SRGAP3: variants seen among roughly 807,000 people sequenced by gnomAD.
The protein encoded by SRGAP3 is SLIT-ROBO Rho GTPase-activating protein 3.
A neutral mutation model predicts 121.1 loss-of-function variants in SRGAP3; 39 were observed. The observed-to-expected ratio is 0.32, with a 90% confidence interval of 0.25 to 0.42. The LOEUF (loss-of-function observed/expected upper bound fraction) is 0.42. SRGAP3 is among the 10% of genes least tolerant of loss of function. The pLI, the probability that SRGAP3 is intolerant of heterozygous loss-of-function variation, is 1.00. For missense variants in SRGAP3, 1,213 were observed against 1,470.6 expected (o/e 0.82, Z 2.86); for synonymous variants, 601 against 570.0 (o/e 1.05, Z -0.77).
chr3:9,152,200 A>G (rs1950234280), intron 1 of SRGAP3, among the ~76,000 whole-genome samples: 1 of 152,234 alleles, frequency 6.6e-6, no homozygotes, highest in Non-Finnish European at 1.5e-5. Flanking sequence ...AATCCTTATT[A>G]AATGTCCCAT....
At chr3:9,101,676 TC>T (rs1948221608) in intron 3 of SRGAP3, among the ~76,000 whole-genome samples, 1 of 152,172 alleles carries the variant, frequency 6.6e-6, no homozygotes, top group Non-Finnish European at 1.5e-5. Flanking sequence ...TCTAGTAACA[TC>T]CTTTGTTCCT....
chr3:9,005,174 G>A (rs1326341504), intron 18 of SRGAP3, among the ~76,000 whole-genome samples: 2 of 152,182 alleles, frequency 1.3e-5, no homozygotes, highest in East Asian at 3.8e-4. Context: ...CACATGAAAA[G>A]ATGATGAACA....
At chr3:9,043,351 G>A (rs532662551) in intron 10 of SRGAP3, among the ~76,000 whole-genome samples, 8 of 152,206 alleles carry the variant, frequency 5.3e-5, no homozygotes, top group Admixed American at 2.0e-4. Context: ...TTTGTTTACC[G>A]TTTGAGGTCT....
intron 10 of SRGAP3, among the ~76,000 whole-genome samples, chr3:9,045,199 A>AAAG (rs1397367873): frequency 6.6e-6 from 1 of 151,706 alleles, no homozygotes; most frequent in Non-Finnish European, 1.5e-5. Flanking sequence ...TTTAAAAAAA[A>AAAG]AAAAAAAAAA....
intron 12 of SRGAP3, among the ~76,000 whole-genome samples, chr3:9,030,055 G>A (rs1291183910): frequency 1.3e-5 from 2 of 152,170 alleles, no homozygotes; most frequent in Non-Finnish European, 2.9e-5. Flanking sequence ...GGGAGGCTGA[G>A]GTGGGAGGAT....
chr3:9,162,644 G>C (rs1017480862), intron 1 of SRGAP3, among the ~76,000 whole-genome samples: 1 of 152,208 alleles, frequency 6.6e-6, no homozygotes, highest in African/African-American at 2.4e-5. Context: ...GGCAGGTGGG[G>C]GCACACACAG....
At chr3:9,076,809 TG>T (rs1946994685) in intron 4 of SRGAP3, among the ~76,000 whole-genome samples, 1 of 150,702 alleles carries the variant, frequency 6.6e-6, no homozygotes, top group Non-Finnish European at 1.5e-5. Flanking sequence ...CCAGGGGCTC[TG>T]GGCACACTGT....
At position 8,985,651 on chromosome 3, in the gene SRGAP3, G is replaced by T. The variant is rs545496383; in HGVS notation, c.3168C>A (p.Pro1056=). Residue 1056 remains proline, a synonymous_variant, in exon 22 of 22, where the codon CCC becomes CCA. Transcript: ENST00000383836. The surrounding 1 kb of genome is among the most constrained non-coding windows in gnomAD (Gnocchi z 5.1). The part of the protein sequence containing the change: ...RLAGAQLRPP[P]MRPVRPVVQH... ...GGACCACCGGCCGCACGGGCCGCAT[G>T]GGGGGCGGGCGGAGCTGGGCGCCAG... 6.3e-6 allele frequency: 10 copies of T among 1,595,488 alleles called. No homozygotes were observed. The highest frequency in any genetic ancestry group is 8.5e-6 in the Non-Finnish European group (10 of 1,177,906).
intron 3 of SRGAP3, chr3:9,292,606 G>A (rs192890768): frequency 3.3e-5 from 5 of 152,092 alleles, no homozygotes; most frequent in Non-Finnish European, 5.9e-5. Context: ...ATTTTCTCAT[G>A]TTTTATTAAT....
intron 1 of SRGAP3, among the ~76,000 whole-genome samples, chr3:9,359,334 C>T (rs528521039): frequency 2.0e-5 from 3 of 152,188 alleles, no homozygotes; most frequent in East Asian, 3.9e-4. Flanking sequence ...AAGTCTCTTC[C>T]AACTTGATAC....
chr3:9,205,962 AGGGGGTT>A (rs1235323944), intron 1 of SRGAP3, among the ~76,000 whole-genome samples: 1 of 152,080 alleles, frequency 6.6e-6, no homozygotes, highest in African/African-American at 2.4e-5. Context: ...AGGAGTTGCT[AGGGGGTT>A]GGGGAGGAGA....
chr3:9,145,628 C>G (rs183590724), intron 1 of SRGAP3, among the ~76,000 whole-genome samples: 1 of 152,308 alleles, frequency 6.6e-6, no homozygotes, highest in African/African-American at 2.4e-5. Context: ...GACTCAGGAG[C>G]TTCCCTTGAG....
intron 3 of SRGAP3, among the ~76,000 whole-genome samples, chr3:9,286,998 T>TTTTTTTTG: frequency 7.2e-6 from 1 of 138,146 alleles, no homozygotes; most frequent in Non-Finnish European, 1.6e-5. Flanking sequence ...TTTTTTTTTT[T>TTTTTTTTG]TTTTTTTTTT....
Position 9,064,485 on chromosome 3 carries a change from A to T in SRGAP3, c.583T>A (p.Ser195Thr). 6.2e-7 allele frequency: 1 copy of T among 1,614,160 alleles called. No homozygotes were observed. Among genetic ancestry groups the T allele is most frequent in the Non-Finnish European group, 8.5e-7 (1 of 1,180,030 alleles). ...AGCAGGTTCATGCTGAGGTCTCCTG[A>T]CTTATTGAACTGCTTCTCCTCCTGC... ...EKQEEKQFNK[S>T]GDLSMNLLRH... The change falls in exon 5 of 22, where the codon TCA (serine) becomes ACA (threonine). Residue 195 changes from serine to threonine, a missense_variant. This residue lies in a region of SRGAP3 where 793 missense variants were observed against 1,032.9 expected (regional missense o/e 0.77). Coordinates refer to ENST00000383836, the MANE Select transcript of SRGAP3 (RefSeq NM_014850.4).
At chr3:9,079,954 C>G in intron 4 of SRGAP3, 71 bp downstream of exon 4, 1 of 1,570,508 alleles carries the variant, frequency 6.4e-7, no homozygotes, top group Non-Finnish European at 8.7e-7. Context: ...CTCTGTTTTG[C>G]TTCCCTCCAG....
rs1364244914 is a variant in SRGAP3 at position 9,323,037 on chromosome 3, C to T, written n.442+2973G>A. On this transcript the variant is annotated intron_variant and non_coding_transcript_variant, in intron 3 of 3. Transcript: ENST00000490889. ...ATATAACACAGATATGTCCCAGAGG[C>T]ATTCCCTGAGTGAAAAAAGACAGTT... 2.0e-5 allele frequency among the ~76,000 whole-genome samples: 3 copies of T among 151,884 alleles called. No individual in the cohort carries two copies. In the East Asian group the frequency reaches 5.8e-4, roughly 29 times the overall value.
At chr3:9,242,320 A>G (rs1038544780) in intron 1 of SRGAP3, among the ~76,000 whole-genome samples, 2 of 152,308 alleles carry the variant, frequency 1.3e-5, no homozygotes. Context: ...TAGCAGCCCA[A>G]GCCAACTAAG....
chr3:9,141,553 G>GTGTGCGTGT (rs1949847755), intron 1 of SRGAP3, among the ~76,000 whole-genome samples: 18 of 138,462 alleles, frequency 1.3e-4, no homozygotes, highest in African/African-American at 3.8e-4. Flanking sequence ...TGACTTCAGG[G>GTGTGCGTGT]GTGTGTGTGT....
At chr3:9,320,266 T>C (rs1955417950) in intron 3 of SRGAP3, among the ~76,000 whole-genome samples, 1 of 151,982 alleles carries the variant, frequency 6.6e-6, no homozygotes, top group South Asian at 2.1e-4. Flanking sequence ...GGCTAAAATA[T>C]AGAGGAAAAC....
Sources: allele counts gnomAD v4.1 joint callset (sites outside exome capture counted in the v4.1 genomes callset), GRCh38; gene constraint gnomAD v4.1.1; regional missense constraint gnomAD v4.1.1; non-coding constraint Gnocchi (gnomAD v3.1); transcripts MANE v1.5; gene names NCBI Gene and HGNC (gene_info 2026-07-23, HGNC 2026-07-21).